The following PABPC4L variants were observed in gnomAD, a reference collection of about 807,000 sequenced individuals.
The protein encoded by PABPC4L is polyadenylate-binding protein 4-like.
For missense variants in PABPC4L, 452 were observed against 451.4 expected (o/e 1.00, Z -0.01); for synonymous variants, 169 against 164.1 (o/e 1.03, Z -0.23).
the PABPC4L span, among the ~76,000 whole-genome samples, chr4:134,171,267 C>T: frequency 6.6e-6 from 1 of 152,036 alleles, no homozygotes; most frequent in South Asian, 2.1e-4. Flanking sequence ...AGGTGCATGC[C>T]ATCACACTTG....
chr4:134,201,551 C>T (rs2125711021), intron 1 of PABPC4L, among the ~76,000 whole-genome samples, 167 bp downstream of exon 1: 1 of 152,174 alleles, frequency 6.6e-6, no homozygotes, highest in South Asian at 2.1e-4. Context: ...CGAGGCGCTG[C>T]CGGCAGCGAC....
the PABPC4L span, among the ~76,000 whole-genome samples, chr4:134,149,352 T>A: frequency 6.6e-6 from 1 of 152,186 alleles, no homozygotes; most frequent in Non-Finnish European, 1.5e-5. Context: ...TGGAATGAAC[T>A]AGCGAAAAAA....
the PABPC4L span, among the ~76,000 whole-genome samples, chr4:134,053,944 A>G: frequency 0.34 from 51,781 of 151,518 alleles, 10,711 homozygotes; most frequent in East Asian, 0.92. Context: ...GATGATATCC[A>G]CACAAAGAAC....
the PABPC4L span, among the ~76,000 whole-genome samples, chr4:134,052,719 C>T: frequency 6.6e-6 from 1 of 151,630 alleles, no homozygotes; most frequent in Non-Finnish European, 1.5e-5. Context: ...TGACAAGAAA[C>T]ACCTATATTT....
At chr4:134,084,561 A>G in the PABPC4L span, among the ~76,000 whole-genome samples, 19 of 152,138 alleles carry the variant, frequency 1.2e-4, no homozygotes, top group African/African-American at 3.6e-4. Flanking sequence ...TATGCAATTT[A>G]TCTTCAAAGG....
At chr4:133,993,037 T>A in the PABPC4L span, among the ~76,000 whole-genome samples, 1 of 152,118 alleles carries the variant, frequency 6.6e-6, no homozygotes, top group Admixed American at 6.5e-5. Context: ...ATATCCTCTT[T>A]CCCATGTTAG....
the PABPC4L span, among the ~76,000 whole-genome samples, chr4:134,156,150 T>C: frequency 6.6e-6 from 1 of 152,002 alleles, no homozygotes; most frequent in Non-Finnish European, 1.5e-5. Context: ...ATTTAGCAGA[T>C]AATTTACATG....
At chr4:134,148,298 C>CATGGTATATCCCTTAATGTTATTT in the PABPC4L span, among the ~76,000 whole-genome samples, 8 of 152,096 alleles carry the variant, frequency 5.3e-5, no homozygotes, top group Admixed American at 5.2e-4. Flanking sequence ...TAATGTTATT[C>CATGGTATATCCCTTAATGTTATTT]ATGGTATATC....
At chr4:134,113,788 G>C in the PABPC4L span, among the ~76,000 whole-genome samples, 1 of 151,832 alleles carries the variant, frequency 6.6e-6, no homozygotes, top group Non-Finnish European at 1.5e-5. Context: ...AAATGTAGGA[G>C]AAAGTCACGC....
Position 134,200,284 on chromosome 4 carries a change from C to A in PABPC4L, c.736G>T (p.Ala246Ser). The A allele has an allele frequency of 6.4e-7, 1 of 1,570,446 alleles. No homozygotes were observed. Among genetic ancestry groups the A allele is most frequent in the Non-Finnish European group, 8.6e-7 (1 of 1,156,576 alleles). ...TCCCTTCCATTCATTTCTTCAACAG[C>A]TTTCTTGGCAGCCTCATGGCTATCA... is the stretch of plus-strand genomic sequence containing the variant. ...SFDSHEAAKK[A>S]VEEMNGRDIN... is the part of the protein sequence containing the mutation. Residue 246 changes from alanine (A) to serine (S), a missense_variant, in exon 2 of 2, where the codon GCT (alanine) becomes TCT (serine). Transcript: ENST00000421491.
At chr4:134,029,647 ATTAG>A in the PABPC4L span, among the ~76,000 whole-genome samples, 33 of 152,002 alleles carry the variant, frequency 2.2e-4, no homozygotes, top group South Asian at 1.0e-3. Context: ...CTTAGTTTAA[ATTAG>A]TTAGATTATT....
chr4:134,045,411 C>T, the PABPC4L span, among the ~76,000 whole-genome samples: 1 of 152,118 alleles, frequency 6.6e-6, no homozygotes. Flanking sequence ...AGATACCTTA[C>T]TGAGGAAACT....
downstream of PABPC4L, among the ~76,000 whole-genome samples, chr4:134,193,886 A>T (rs2126195158): frequency 6.6e-6 from 1 of 152,114 alleles, no homozygotes; most frequent in Middle Eastern, 3.4e-3. Flanking sequence ...ACTGTGGCGT[A>T]GATCTTGAAA....
the PABPC4L span, among the ~76,000 whole-genome samples, chr4:134,176,643 C>G: frequency 2.6e-5 from 4 of 152,096 alleles, no homozygotes; most frequent in African/African-American, 7.2e-5. Context: ...GGCCGATCAT[C>G]TGAAAAACCA....
the PABPC4L span, among the ~76,000 whole-genome samples, chr4:134,003,127 A>T: frequency 1.3e-5 from 2 of 152,006 alleles, no homozygotes; most frequent in Non-Finnish European, 2.9e-5. Flanking sequence ...AAGATTCATT[A>T]ATGTCAGAAG....
At chr4:133,967,330 C>A in the PABPC4L span, among the ~76,000 whole-genome samples, 286 of 150,944 alleles carry the variant, frequency 1.9e-3, no homozygotes, top group African/African-American at 6.4e-3. Context: ...AACAAACAAA[C>A]AAAAAAAGAA....
the PABPC4L span, among the ~76,000 whole-genome samples, chr4:134,106,107 T>C: frequency 6.6e-6 from 1 of 151,762 alleles, no homozygotes; most frequent in East Asian, 1.9e-4. Flanking sequence ...ATTCATAGCC[T>C]GGTACCAAGC....
the PABPC4L span, among the ~76,000 whole-genome samples, chr4:133,984,138 C>T: frequency 6.6e-6 from 1 of 151,870 alleles, no homozygotes; most frequent in Non-Finnish European, 1.5e-5. Context: ...GTCATCTCTC[C>T]AGACATGTCA....
the PABPC4L span, among the ~76,000 whole-genome samples, chr4:134,063,174 CTG>C: frequency 3.0e-4 from 45 of 152,196 alleles, no homozygotes; most frequent in African/African-American, 8.4e-4. Flanking sequence ...TTTAGGGTGA[CTG>C]TTCAACTAGA....
Sources: allele counts gnomAD v4.1 joint callset (sites outside exome capture counted in the v4.1 genomes callset), GRCh38; gene constraint gnomAD v4.1.1; transcripts MANE v1.5; gene names NCBI Gene and HGNC (gene_info 2026-07-23, HGNC 2026-07-21).